The following CFAP74 variants were observed in gnomAD, a reference collection of about 807,000 sequenced individuals.
The protein encoded by CFAP74 is cilia and flagella associated protein 74.
In CFAP74, 124 loss-of-function variants were observed where a neutral mutation model predicts 188.9. The ratio of observed to expected loss-of-function variants is 0.66; its 90% CI spans 0.57 to 0.76. CFAP74 has a LOEUF of 0.76. Among genes scored for constraint, CFAP74 ranks in the 30% least tolerant of loss-of-function variants. The pLI is 0.00. For synonymous variants in CFAP74, 956 were observed against 916.7 expected (o/e 1.04, Z -0.77); for missense variants, 2,198 against 2,165.2 (o/e 1.02, Z -0.30).
chr1:1,948,978 C>CCTT (rs1654008420), intron 18 of CFAP74, among the ~76,000 whole-genome samples: 1 of 20,908 alleles, frequency 4.8e-5, no homozygotes, highest in Non-Finnish European at 1.3e-4. Context: ...TCCTCCTTCC[C>CCTT]TCCCTCCTTT....
Position 1,967,345 on chromosome 1 carries a change from AG to A in CFAP74, c.1246-820del, listed in dbSNP as rs531734712. Among the ~76,000 whole-genome samples, 53 of 148,066 alleles carry A rather than the reference AG, an allele frequency of 3.6e-4. No individual in the cohort carries two copies. The East Asian group carries it at 8.3e-3, about 23-fold the overall frequency. ...GGGACCGTCCTATGGAGCGACAGAC[AG>A]GAAGTCTGGACGGGGCCAGCGCATT... On this transcript the variant is annotated intron_variant, in intron 11 of 38. Transcript: ENST00000682832.
intron 10 of CFAP74, among the ~76,000 whole-genome samples, chr1:1,969,357 C>T (rs1340285944): frequency 2.0e-5 from 3 of 147,446 alleles, no homozygotes; most frequent in Non-Finnish European, 4.5e-5. Context: ...CCAGCCCAGC[C>T]CAGACCTTCC....
intron 18 of CFAP74, among the ~76,000 whole-genome samples, chr1:1,949,368 C>T (rs1654062625): frequency 6.6e-6 from 1 of 152,046 alleles, no homozygotes; most frequent in Non-Finnish European, 1.5e-5. Context: ...CCATGTTGCC[C>T]AGGCTGGTCT....
chr1:1,993,859 A>T (rs113317828), intron 1 of CFAP74, among the ~76,000 whole-genome samples: 4 of 150,532 alleles, frequency 2.7e-5, no homozygotes, highest in Non-Finnish European at 5.9e-5. Context: ...GCGGGCGCCT[A>T]TAGTCCCAGC....
At chr1:1,954,810 G>C in intron 18 of CFAP74, 1 of 1,125,222 alleles carries the variant, frequency 8.9e-7, no homozygotes, top group Non-Finnish European at 1.1e-6. Context: ...GGTATTAGCT[G>C]ATGCCAGTGA....
In CFAP74 at chr1:1,972,027, G is replaced by A. The variant is rs765228463; in HGVS notation, c.841C>T (p.Arg281Cys). 33 of 1,612,712 alleles carry A rather than the reference G, an allele frequency of 2.0e-5. No homozygotes were observed. The highest frequency in any genetic ancestry group is 1.1e-4 in the East Asian group (5 of 44,894). The change falls in exon 9 of 39, where the codon CGC becomes TGC. Residue 281 changes from arginine to cysteine, a missense_variant. Transcript: ENST00000682832. ...EMECHEYMRR[R>C]MDAVVALKGS... Reference sequence around the variant, plus strand: ...TTCAGCGCCACCACCGCATCCATGCGTCGCCTCATGTACTCGTGGCACTCC... The same window carrying A: ...TTCAGCGCCACCACCGCATCCATGCATCGCCTCATGTACTCGTGGCACTCC...
At chr1:1,935,729 G>A (rs1397480801) in intron 25 of CFAP74, among the ~76,000 whole-genome samples, 1 of 152,086 alleles carries the variant, frequency 6.6e-6, no homozygotes, top group Non-Finnish European at 1.5e-5. Context: ...GAGGCAAGTA[G>A]GATAAAAGTC....
intron 20 of CFAP74, among the ~76,000 whole-genome samples, chr1:1,945,691 G>A (rs2102050702): frequency 6.6e-6 from 1 of 152,128 alleles, no homozygotes; most frequent in African/African-American, 2.4e-5. Flanking sequence ...AGCCAGGTGT[G>A]GTGGCACGCA....
At chr1:1,928,302 G>A (rs1340446484) in intron 27 of CFAP74, among the ~76,000 whole-genome samples, 1 of 149,776 alleles carries the variant, frequency 6.7e-6, no homozygotes, top group African/African-American at 2.5e-5. Context: ...AAGCCAGGCC[G>A]GGAAGGGCAA....
intron 31 of CFAP74, 28 bp from the exon 32 acceptor site, chr1:1,926,375 C>T (rs756622303): frequency 6.5e-6 from 10 of 1,549,758 alleles, no homozygotes; most frequent in African/African-American, 5.5e-5. Flanking sequence ...GGAGGGGATA[C>T]AGGTGTCTGC....
intron 2 of CFAP74, among the ~76,000 whole-genome samples, chr1:1,989,515 C>T (rs576240969): frequency 8.5e-5 from 13 of 152,206 alleles, no homozygotes; most frequent in South Asian, 2.1e-4. Context: ...GGCTGGAGTG[C>T]GGTGGCGTGA....
chr1:1,991,766 GT>G (rs1380628205), intron 1 of CFAP74, among the ~76,000 whole-genome samples: 2 of 152,100 alleles, frequency 1.3e-5, no homozygotes, highest in East Asian at 3.9e-4. Context: ...TTGGCTGGGC[GT>G]GGTGGCTCAC....
chr1:1,929,702 C>G (rs902353915), intron 26 of CFAP74, among the ~76,000 whole-genome samples: 1 of 151,822 alleles, frequency 6.6e-6, no homozygotes, highest in South Asian at 2.1e-4. Context: ...CCTTGTCCTC[C>G]CAGTCGGCCT....
In CFAP74 at chr1:1,971,306, T is replaced by C. The variant is rs1279192151; in HGVS notation, c.889-490A>G. Among the ~76,000 whole-genome samples, 4 of 136,324 alleles carry C rather than the reference T, an allele frequency of 2.9e-5. No homozygotes were observed. In the East Asian group the frequency reaches 7.5e-4, roughly 25 times the overall value. 89.4% of individuals were successfully genotyped at this position (136,324 alleles called of 152,430 possible). A position where few individuals can be genotyped will look rare whatever the true frequency, so the allele number is the denominator to read the frequency against. ...ACACGTGCACATACACGCTCACACA[T>C]GCACACCTGCAGACACTTGCACACC... On this transcript the variant is annotated intron_variant, in intron 9 of 38. Transcript: ENST00000682832.
In CFAP74 at chr1:1,972,966, G is replaced by A. The variant is rs374441480; in HGVS notation, c.756C>T (p.Ala252=). The A allele has an allele frequency of 8.6e-5, 139 of 1,614,000 alleles. 3 individuals carry two copies. Among genetic ancestry groups the A allele is most frequent in the South Asian group, 8.5e-4 (77 of 91,084 alleles). The change falls in exon 8 of 39, where the codon GCC becomes GCT. Residue 252 remains alanine, a synonymous_variant. Coordinates refer to ENST00000682832, the MANE Select transcript of CFAP74 (RefSeq NM_001304360.2). ...CCAGGGAGGCCTTCAGGAACCGCAC[G>A]GCAACCTTGTGGTTCTTCCGGGCGT... ...LEDARKNHKV[A]VRFLKASLGR... is the part of the protein sequence containing the mutation.
rs1344420012 is a variant in CFAP74 at position 1,973,144 on chromosome 1, G to A, written c.675-97C>T. On this transcript the variant is annotated intron_variant, in intron 7 of 38. Transcript: ENST00000682832. The surrounding 1 kb of genome is among the most constrained non-coding windows in gnomAD (Gnocchi z 6.2). ...CTGGAGCTCGTGTCCCAGAGACGCC[G>A]TGGGCCCTTTCGCTCAGCTCTGTCC... The A allele has an allele frequency of 7.0e-6, 6 of 859,464 alleles. No individual in the cohort carries two copies. The East Asian group carries it at 1.3e-4, about 19-fold the overall frequency. The allele number at this position is 859,464 out of a possible 1,614,324, so 53.2% of individuals were successfully genotyped here.
In CFAP74 at chr1:1,988,520, C is replaced by A; in HGVS notation, c.288G>T (p.Glu96Asp). 1 of 1,612,138 alleles carries A rather than the reference C, an allele frequency of 6.2e-7. No homozygotes were observed. Among genetic ancestry groups the A allele is most frequent in the Non-Finnish European group, 8.5e-7 (1 of 1,180,012 alleles). Residue 96 changes from glutamate to aspartate, a missense_variant, in exon 4 of 39, where the codon GAG (glutamate) becomes GAT (aspartate). Transcript: ENST00000682832. ...KMHEEQELFT[E>D]KMRGELRACR... is the part of the protein sequence containing the mutation. The stretch of plus-strand genomic sequence containing the variant: ...CCTCAGCCCCAGCTCACCTCATCTT[C>A]TCAGTGAAAAGCTCTTGCTCCTCAT...
At chr1:1,955,534 C>T in intron 18 of CFAP74, 157 bp downstream of exon 18, 3 of 1,610,438 alleles carry the variant, frequency 1.9e-6, no homozygotes, top group South Asian at 1.1e-5. Context: ...CTTAGTGGCA[C>T]ATAAGAATAT....
At chr1:1,997,724 G>A (rs1217927395) in intron 1 of CFAP74, among the ~76,000 whole-genome samples, 2 of 152,146 alleles carry the variant, frequency 1.3e-5, no homozygotes, top group African/African-American at 2.4e-5. Context: ...CAGAGAATGC[G>A]AGGAACCCCC....
Sources: gnomAD v4.1 joint callset for allele counts (sites outside exome capture counted in the v4.1 genomes callset) on GRCh38, gnomAD v4.1.1 for gene constraint, Gnocchi (gnomAD v3.1) non-coding constraint, MANE v1.5 for transcripts, NCBI Gene and HGNC (gene_info 2026-07-23, HGNC 2026-07-21) for gene names.